Variants in ELAPOR1 observed in about 807,000 individuals in gnomAD.
The protein encoded by ELAPOR1 is endosome/lysosome-associated apoptosis and autophagy regulator 1.
A neutral mutation model predicts 119.7 loss-of-function variants in ELAPOR1; 77 were observed. The ratio of observed to expected loss-of-function variants is 0.64; its 90% CI spans 0.54 to 0.78. ELAPOR1 has a LOEUF of 0.78. ELAPOR1 is among the 30% of genes least tolerant of loss of function. The pLI is 0.00. For missense variants in ELAPOR1, 1,115 were observed against 1,270.4 expected (o/e 0.88, Z 1.86); for synonymous variants, 481 against 487.2 (o/e 0.99, Z 0.17).
At chr1:109,158,666 AG>A (rs1651045910) in intron 1 of ELAPOR1, among the ~76,000 whole-genome samples, 1 of 152,018 alleles carries the variant, frequency 6.6e-6, no homozygotes, top group Non-Finnish European at 1.5e-5. Context: ...GTGCACAGGG[AG>A]GGGGAAGGAG....
At chr1:109,188,525 G>A (rs1653217860) in intron 9 of ELAPOR1, among the ~76,000 whole-genome samples, 171 bp downstream of exon 9, 1 of 152,194 alleles carries the variant, frequency 6.6e-6, no homozygotes. Context: ...GGTCAGGGCT[G>A]GCCTCGTCTG....
chr1:109,145,526 C>T (rs1650122428), intron 1 of ELAPOR1, among the ~76,000 whole-genome samples: 1 of 151,936 alleles, frequency 6.6e-6, no homozygotes, highest in Non-Finnish European at 1.5e-5. Context: ...CATGGTGGTG[C>T]GCACTTGTGG....
Position 109,143,907 on chromosome 1 carries a change from C to T in ELAPOR1, c.154-17987C>T, listed in dbSNP as rs546477033. On this transcript the variant is annotated intron_variant, in intron 1 of 21. Transcript: ENST00000369939. ...AACTCCTGGGCTCCAGCAATCCACCCGCCTCAGCTTCCCAAAGTGCTGGGA... is the reference window on the plus strand; with the variant it reads ...AACTCCTGGGCTCCAGCAATCCACCTGCCTCAGCTTCCCAAAGTGCTGGGA... 9.5e-3 allele frequency among the ~76,000 whole-genome samples: 1,434 copies of T among 151,444 alleles called. 10 individuals are homozygous for T. Among genetic ancestry groups the T allele is most frequent in the Non-Finnish European group, 0.015 (1,043 of 67,914 alleles).
At chr1:109,195,865 T>C (rs1021040778) in intron 15 of ELAPOR1, among the ~76,000 whole-genome samples, 1 of 152,142 alleles carries the variant, frequency 6.6e-6, no homozygotes, top group African/African-American at 2.4e-5. Flanking sequence ...ATTTCAAATG[T>C]TACAAAAGAG....
chr1:109,190,944 G>T (rs77232972), intron 11 of ELAPOR1, among the ~76,000 whole-genome samples: 1 of 152,096 alleles, frequency 6.6e-6, no homozygotes, highest in Non-Finnish European at 1.5e-5. Context: ...CACACGAATC[G>T]CCTGGGAATC....
intron 1 of ELAPOR1, among the ~76,000 whole-genome samples, chr1:109,120,268 A>G (rs968764503): frequency 4.6e-5 from 7 of 152,050 alleles, no homozygotes; most frequent in African/African-American, 1.7e-4. Flanking sequence ...GTGGTGGTGC[A>G]TGCCTGTAAT....
At chr1:109,174,815 A>G (rs1285376480) in intron 7 of ELAPOR1, among the ~76,000 whole-genome samples, 1 of 151,928 alleles carries the variant, frequency 6.6e-6, no homozygotes, top group African/African-American at 2.4e-5. Flanking sequence ...TCCCAGGTTC[A>G]TGCCATTCTT....
At chr1:109,202,513 C>A (rs1314739013) in intron 21 of ELAPOR1, among the ~76,000 whole-genome samples, 1 of 151,800 alleles carries the variant, frequency 6.6e-6, no homozygotes, top group African/African-American at 2.4e-5. Flanking sequence ...ATGATCTTGG[C>A]TTACTGCAAC....
At chr1:109,144,936 CATATATT>C (rs1650084658) in intron 1 of ELAPOR1, among the ~76,000 whole-genome samples, 1 of 152,132 alleles carries the variant, frequency 6.6e-6, no homozygotes, top group African/African-American at 2.4e-5. Flanking sequence ...CAAAACCAAA[CATATATT>C]ATATATCATG....
rs1653455362 is a variant in ELAPOR1, at chr1:109,191,788, C to A, written c.1608C>A (p.Ser536=). 6.2e-7 allele frequency: 1 copy of A among 1,614,096 alleles called. No individual in the cohort carries two copies. Among genetic ancestry groups the A allele is most frequent in the African/African-American group, 1.3e-5 (1 of 74,926 alleles). Residue 536 remains serine, a synonymous_variant, in exon 13 of 22, where the codon TCC becomes TCA. Coordinates refer to ENST00000369939, the MANE Select transcript of ELAPOR1 (RefSeq NM_020775.5). Reference sequence around the variant, plus strand: ...GGAAAGGTTCCAAAGGCAAACAGTCCTATACCTACATCATTGAGGAGAACA... The same window carrying A: ...GGAAAGGTTCCAAAGGCAAACAGTCATATACCTACATCATTGAGGAGAACA... ...ETWKGSKGKQ[S]YTYIIEENTT...
chr1:109,188,976 C>T (rs1653245067), intron 9 of ELAPOR1, 90 bp from the exon 10 acceptor site: 4 of 1,517,642 alleles, frequency 2.6e-6, no homozygotes, highest in Non-Finnish European at 3.6e-6. Flanking sequence ...CTGCCCGCTA[C>T]TGTTGCAACT....
In ELAPOR1 at chr1:109,173,580, G is replaced by A. The variant is rs1022510134; in HGVS notation, c.802+1G>A. ...CTGGTGAGAAACATTGCCATAACAGGTACTGAGAGCAGGGTTACTGACTTC... is the reference window on the plus strand; with the variant it reads ...CTGGTGAGAAACATTGCCATAACAGATACTGAGAGCAGGGTTACTGACTTC... On this transcript the variant is annotated splice_donor_variant, in intron 6 of 21. Transcript: ENST00000369939. LOFTEE classifies it high-confidence loss of function. 1.9e-6 allele frequency: 3 copies of A among 1,614,016 alleles called. No individual in the cohort carries two copies. The highest frequency in any genetic ancestry group is 2.7e-5 in the African/African-American group (2 of 75,022).
chr1:109,118,173 T>TTGGCAC (rs1225905021), intron 1 of ELAPOR1, among the ~76,000 whole-genome samples: 1 of 151,558 alleles, frequency 6.6e-6, no homozygotes. Flanking sequence ...ATTCAAACAG[T>TTGGCAC]TGGCACTTGA....
intron 7 of ELAPOR1, among the ~76,000 whole-genome samples, chr1:109,178,695 C>T (rs969208490): frequency 2.0e-5 from 3 of 151,980 alleles, no homozygotes; most frequent in Non-Finnish European, 2.9e-5. Flanking sequence ...CCGGGTGTGG[C>T]GGCTCACGCC....
intron 1 of ELAPOR1, among the ~76,000 whole-genome samples, chr1:109,121,654 C>G (rs1648426712): frequency 6.6e-6 from 1 of 152,108 alleles, no homozygotes; most frequent in Non-Finnish European, 1.5e-5. Flanking sequence ...GGACTAAACT[C>G]TGACAAAAGA....
intron 1 of ELAPOR1, chr1:109,161,641 TAAACATAACAAC>T (rs2101039741): frequency 3.1e-6 from 1 of 325,212 alleles, no homozygotes; most frequent in East Asian, 4.9e-5. Flanking sequence ...GGACACTACT[TAAACATAACAAC>T]AAAGAGAGTC....
chr1:109,133,575 T>C (rs1649284195), intron 1 of ELAPOR1, among the ~76,000 whole-genome samples: 2 of 152,234 alleles, frequency 1.3e-5, no homozygotes, highest in South Asian at 4.1e-4. Flanking sequence ...TATCTCCCAG[T>C]ATCTACCGAG....
chr1:109,197,510 G>C lies in ELAPOR1; in HGVS notation c.2158G>C (p.Asp720His). ...GTCTGTGTGCACCGACAATGTCACT[G>C]ACCTCCGGATTCCTGAGGGTGAGTC... ...KMSVCTDNVT[D>H]LRIPEGESGF... The change falls in exon 16 of 22, where the codon GAC (aspartate) becomes CAC (histidine). Residue 720 changes from aspartate to histidine, a missense_variant. Coordinates refer to ENST00000369939, the MANE Select transcript of ELAPOR1 (RefSeq NM_020775.5). The C allele has an allele frequency of 6.2e-7, 1 of 1,614,146 alleles. No homozygotes were observed. The highest frequency in any genetic ancestry group is 8.5e-7 in the Non-Finnish European group (1 of 1,180,030).
chr1:109,200,318 T>C (rs934180933), intron 20 of ELAPOR1, 81 bp downstream of exon 20: 2 of 1,519,488 alleles, frequency 1.3e-6, no homozygotes, highest in Admixed American at 3.5e-5. Flanking sequence ...TATAAATTAA[T>C]GGGGTTTTTC....
Sources: allele counts gnomAD v4.1 joint callset (sites outside exome capture counted in the v4.1 genomes callset), GRCh38; gene constraint gnomAD v4.1.1; transcripts MANE v1.5; gene names NCBI Gene and HGNC (gene_info 2026-07-23, HGNC 2026-07-21).